The following KIF15 variants were observed in gnomAD, a reference collection of about 807,000 sequenced individuals.
The protein encoded by KIF15 is kinesin-like protein KIF15.
Under a neutral mutation model 190.6 loss-of-function variants are expected in KIF15, and 140 were observed. The observed-to-expected ratio is 0.73, with a 90% CI of 0.64 to 0.84. The LOEUF is 0.84. Ranked by LOEUF, KIF15 falls within the 40% of genes least tolerant of loss-of-function variation. The probability of loss-of-function intolerance (pLI) is 0.00; values close to 1 mark genes in which losing one functional copy is unlikely to be tolerated. For missense variants in KIF15, 1,372 were observed against 1,584.4 expected (o/e 0.87, Z 2.28); for synonymous variants, 528 against 551.3 (o/e 0.96, Z 0.59).
intron 6 of KIF15, among the ~76,000 whole-genome samples, chr3:44,860,584 T>A (rs1026121150): frequency 6.6e-6 from 1 of 152,134 alleles, no homozygotes; most frequent in African/African-American, 2.4e-5. Flanking sequence ...TCTTGACCAA[T>A]CTGGTCTTGA....
Position 44,864,491 on chromosome 3 carries a change from A to G in KIF15, c.*60-8838A>G, listed in dbSNP as rs568366130. On this transcript the variant is annotated intron_variant and NMD_transcript_variant, in intron 6 of 6. Transcript: ENST00000422209. ...GGCTTGACCCCTGGATGAGTGCTCT[A>G]TTCATGGAGCAAATGTAATTCTAAT... 8 of 876,324 alleles carry G rather than the reference A, an allele frequency of 9.1e-6. No homozygotes were observed. The East Asian group carries it at 1.8e-4, about 20-fold the overall frequency. 54.3% of individuals were successfully genotyped at this position (876,324 alleles called of 1,614,324 possible).
Position 44,785,016 on chromosome 3 carries a change from A to C in KIF15, c.459+74A>C. On this transcript the variant is annotated intron_variant, in intron 6 of 34. Coordinates refer to ENST00000326047, the MANE Select transcript of KIF15 (RefSeq NM_020242.3). ...ATAGGTAGCTACTGATAATTAGCTC[A>C]TGATACATGGTGGAGCATGGATGGT... 4 of 733,796 alleles carry C rather than the reference A, an allele frequency of 5.5e-6. No homozygotes were observed. In the South Asian group the frequency reaches 6.9e-5, roughly 13 times the overall value. The allele number at this position is 733,796 out of a possible 1,614,324, so 45.5% of individuals were successfully genotyped here. A position where few individuals can be genotyped will look rare whatever the true frequency, so the allele number is the denominator to read the frequency against.
chr3:44,768,461 A>C (rs755227209), intron 1 of KIF15, among the ~76,000 whole-genome samples: 3 of 152,144 alleles, frequency 2.0e-5, no homozygotes, highest in Non-Finnish European at 2.9e-5. Context: ...ACACCAGCTG[A>C]AGAGGCCAGG....
Position 44,812,236 on chromosome 3 carries a change from A to G in KIF15, c.2224A>G (p.Lys742Glu). Residue 742 changes from lysine (K) to glutamate (E), a missense_variant, in exon 18 of 35, where the codon AAG (lysine) becomes GAG (glutamate). Lys to Glu is a moderately conservative substitution (Grantham distance 56). Transcript: ENST00000326047. ...GGATGAAGAAGAGCATAAAAACCTA[A>G]AGCTTCAGCAGCATGTTGACAAACT... ...KLDEEEHKNL[K>E]LQQHVDKLEH... 1 of 1,614,186 alleles carries G rather than the reference A, an allele frequency of 6.2e-7. No individual in the cohort carries two copies. Among genetic ancestry groups the G allele is most frequent in the Non-Finnish European group, 8.5e-7 (1 of 1,180,024 alleles).
Position 44,797,822 on chromosome 3 carries a change from A to G in KIF15, c.976-12A>G, listed in dbSNP as rs758345003. On this transcript the variant is annotated splice_polypyrimidine_tract_variant and intron_variant, in intron 9 of 34. Transcript: ENST00000326047. ...TCTCACCGAAAATATGTTCATTCCTATCATTAAACAGGATTCCCTTGGAGG... is the reference window on the plus strand; with the variant it reads ...TCTCACCGAAAATATGTTCATTCCTGTCATTAAACAGGATTCCCTTGGAGG... The G allele has an allele frequency of 2.0e-5, 33 of 1,610,780 alleles. No individual in the cohort carries two copies. Among genetic ancestry groups the G allele is most frequent in the Admixed American group, 1.2e-4 (7 of 59,298 alleles).
intron 5 of KIF15, among the ~76,000 whole-genome samples, chr3:44,781,256 C>T (rs1706150673): frequency 6.6e-6 from 1 of 152,220 alleles, no homozygotes; most frequent in Non-Finnish European, 1.5e-5. Context: ...ACCCTGTCCC[C>T]TGGAATGCCA....
chr3:44,846,084 GT>G (rs1698835904), intron 30 of KIF15, among the ~76,000 whole-genome samples: 1 of 152,102 alleles, frequency 6.6e-6, no homozygotes, highest in Non-Finnish European at 1.5e-5. Context: ...TTCTTTTTAG[GT>G]TGACAGGCAG....
intron 1 of KIF15, among the ~76,000 whole-genome samples, chr3:44,770,570 C>G (rs1485967673): frequency 1.3e-5 from 2 of 152,182 alleles, no homozygotes; most frequent in African/African-American, 2.4e-5. Flanking sequence ...GAGCTTTTAT[C>G]AGTTCTGCAA....
intron 9 of KIF15, 30 bp from the exon 10 acceptor site, chr3:44,797,804 G>A (rs562358223): frequency 2.8e-5 from 45 of 1,608,258 alleles, no homozygotes; most frequent in South Asian, 1.1e-4. Context: ...ATTTCTCACC[G>A]AAAATATGTT....
intron 20 of KIF15, among the ~76,000 whole-genome samples, chr3:44,817,734 G>C (rs1046025389): frequency 6.6e-6 from 1 of 152,064 alleles, no homozygotes; most frequent in African/African-American, 2.4e-5. Flanking sequence ...GCTCTTTTTT[G>C]GTTACATATG....
Position 44,801,918 on chromosome 3 carries a change from G to T in KIF15, c.1453G>T (p.Glu485Ter), listed in dbSNP as rs756710379. 28 of 1,613,786 alleles carry T rather than the reference G, an allele frequency of 1.7e-5. No homozygotes were observed. The highest frequency in any genetic ancestry group is 2.3e-5 in the Non-Finnish European group (27 of 1,179,896). The change falls in exon 13 of 35, where the codon GAG (glutamate) becomes TAG (stop). Residue 485 changes from glutamate (E) to a stop codon, truncating the protein, a stop_gained. Coordinates refer to ENST00000326047, the MANE Select transcript of KIF15 (RefSeq NM_020242.3). LOFTEE classifies it high-confidence loss of function. ...ATCCCGGGGAGGTTTTCTGCCTGAG[G>T]AGCAGGATCGTTTGCTCTCAGAATT... ...KESRGGFLPE[E>*]QDRLLSELRN... is the part of the protein sequence containing the mutation.
chr3:44,827,110 G>T (rs1697704725), intron 22 of KIF15: 2 of 442,288 alleles, frequency 4.5e-6, no homozygotes. Flanking sequence ...CACTGATCTG[G>T]TGAATTCCAG....
chr3:44,770,730 C>T (rs1705605571), intron 1 of KIF15, among the ~76,000 whole-genome samples: 1 of 152,176 alleles, frequency 6.6e-6, no homozygotes, highest in Non-Finnish European at 1.5e-5. Context: ...TAAGTATACT[C>T]ACAACTAGTT....
chr3:44,782,289 C>T (rs992707207), intron 5 of KIF15, among the ~76,000 whole-genome samples: 7 of 152,010 alleles, frequency 4.6e-5, no homozygotes, highest in African/African-American at 7.2e-5. Flanking sequence ...CTCGAACTCC[C>T]GACCTCAAGT....
intron 6 of KIF15, chr3:44,865,168 C>G (rs760093404): frequency 1.9e-6 from 3 of 1,614,214 alleles, no homozygotes; most frequent in Non-Finnish European, 2.5e-6. Context: ...CCCTTCCACA[C>G]AAGCAGCAGT....
intron 26 of KIF15, 125 bp from the exon 27 acceptor site, chr3:44,838,150 C>T: frequency 3.2e-6 from 3 of 939,534 alleles, no homozygotes; most frequent in Non-Finnish European, 4.7e-6. Flanking sequence ...GATTAGCACA[C>T]AAGCAAAAGA....
At chr3:44,862,338 C>A in intron 6 of KIF15, 1 of 164,888 alleles carries the variant, frequency 6.1e-6, no homozygotes, top group Non-Finnish European at 1.3e-5. Context: ...CTAATCACGC[C>A]AAACCCTCGT....
intron 22 of KIF15, chr3:44,827,082 G>A: frequency 2.2e-6 from 1 of 456,368 alleles, no homozygotes; most frequent in Middle Eastern, 3.2e-4. Context: ...AACATTTATT[G>A]ATATCCAACA....
At chr3:44,855,098 G>A (rs902013893), downstream of KIF15, among the ~76,000 whole-genome samples, 3 of 152,242 alleles carry the variant, frequency 2.0e-5, no homozygotes, top group African/African-American at 4.8e-5. Context: ...TCACCTGGGT[G>A]CAGGTGGGCT....
Sources: gnomAD v4.1 joint callset for allele counts (sites outside exome capture counted in the v4.1 genomes callset) on GRCh38, gnomAD v4.1.1 for gene constraint, MANE v1.5 for transcripts, NCBI Gene and HGNC (gene_info 2026-07-23, HGNC 2026-07-21) for gene names.